The following CCDC171 variants were observed in gnomAD, a reference collection of about 807,000 sequenced individuals.
The protein encoded by CCDC171 is coiled-coil domain containing 171.
Under a neutral mutation model 168.2 loss-of-function variants are expected in CCDC171, and 177 were observed. That is an observed-to-expected ratio of 1.05 (90% CI 0.93 to 1.19). CCDC171 has a LOEUF of 1.19. CCDC171 is among the 50% of genes most tolerant of loss of function. The probability of loss-of-function intolerance (pLI) is 0.00; values close to 1 mark genes in which losing one functional copy is unlikely to be tolerated. For synonymous variants in CCDC171, 687 were observed against 540.8 expected, an observed-to-expected ratio of 1.27 and a Z score of -3.75; for missense variants, 1,991 against 1,539.0, an observed-to-expected ratio of 1.29 and a Z score of -4.91.
At chr9:15,811,804 G>A (rs2059368926) in intron 21 of CCDC171, among the ~76,000 whole-genome samples, 1 of 152,184 alleles carries the variant, frequency 6.6e-6, no homozygotes, top group South Asian at 2.1e-4. Flanking sequence ...AAATTCATGA[G>A]TGAATACAGA....
rs576765055 is a variant in CCDC171, at chr9:15,563,858, T to C, written c.-111-120T>C. 33 of 476,922 alleles carry C rather than the reference T, an allele frequency of 6.9e-5. 1 individual carries two copies. Among genetic ancestry groups the C allele is most frequent in the African/African-American group, 5.0e-4 (25 of 49,866 alleles). The allele number at this position is 476,922 out of a possible 1,614,324, so 29.5% of individuals were successfully genotyped here. ...TGATCTTCTGAGGTCTAGATATCTCTATACACCTACAATTTCACTTATCAA... is the reference window on the plus strand; with the variant it reads ...TGATCTTCTGAGGTCTAGATATCTCCATACACCTACAATTTCACTTATCAA... On this transcript the variant is annotated intron_variant, in intron 1 of 25. Transcript: ENST00000380701.
chr9:15,595,067 C>T (rs2042243902), intron 6 of CCDC171, among the ~76,000 whole-genome samples: 1 of 152,096 alleles, frequency 6.6e-6, no homozygotes, highest in Non-Finnish European at 1.5e-5. Context: ...ACATATAATA[C>T]ATTTTGGAGT....
intron 11 of CCDC171, among the ~76,000 whole-genome samples, chr9:15,711,489 A>G (rs576602075): frequency 1.3e-5 from 2 of 152,204 alleles, no homozygotes; most frequent in South Asian, 2.1e-4. Flanking sequence ...TCTCTTTAGG[A>G]GAAATTGTAG....
At chr9:15,680,569 C>G (rs1373160975) in intron 10 of CCDC171, among the ~76,000 whole-genome samples, 1 of 152,160 alleles carries the variant, frequency 6.6e-6, no homozygotes, top group East Asian at 1.9e-4. Flanking sequence ...TTCCATTTAT[C>G]TAAAGATGTT....
At chr9:15,808,821 C>G (rs1490461028) in intron 21 of CCDC171, among the ~76,000 whole-genome samples, 1 of 151,734 alleles carries the variant, frequency 6.6e-6, no homozygotes, top group East Asian at 1.9e-4. Flanking sequence ...GCTGCTGTAC[C>G]AAAATACAAT....
intron 18 of CCDC171, among the ~76,000 whole-genome samples, chr9:15,746,334 C>A (rs987970778): frequency 6.6e-6 from 1 of 152,184 alleles, no homozygotes; most frequent in Non-Finnish European, 1.5e-5. Context: ...AATTCTTAGA[C>A]AATTCCACTG....
At chr9:15,634,689 G>A (rs772275186) in intron 7 of CCDC171, among the ~76,000 whole-genome samples, 5 of 152,146 alleles carry the variant, frequency 3.3e-5, no homozygotes, top group Non-Finnish European at 5.9e-5. Flanking sequence ...CATTTGAAGT[G>A]TACAATTCAG....
At chr9:15,802,922 T>C (rs147359117) in intron 21 of CCDC171, among the ~76,000 whole-genome samples, 2,738 of 152,240 alleles carry the variant, frequency 0.018, 96 homozygotes, top group African/African-American at 0.062. Context: ...GCATCTGTTG[T>C]TTTTTGAGTT....
chr9:15,581,493 A>G (rs555363690), intron 4 of CCDC171, among the ~76,000 whole-genome samples: 1 of 152,202 alleles, frequency 6.6e-6, no homozygotes, highest in South Asian at 2.1e-4. Context: ...AGCAAAAAGA[A>G]CAAAGCTGGA....
intron 6 of CCDC171, among the ~76,000 whole-genome samples, chr9:15,601,677 G>A (rs2042865590): frequency 6.6e-6 from 1 of 152,172 alleles, no homozygotes; most frequent in African/African-American, 2.4e-5. Context: ...ATAAAATGCT[G>A]TAGTGCCACA....
intron 21 of CCDC171, among the ~76,000 whole-genome samples, chr9:15,793,554 T>TTG (rs2058386526): frequency 2.4e-5 from 1 of 41,682 alleles, no homozygotes; most frequent in African/African-American, 5.7e-5. Context: ...TTCCAAGGTT[T>TTG]TTTTTTTTTT....
intron 10 of CCDC171, among the ~76,000 whole-genome samples, chr9:15,687,446 A>T (rs968115108): frequency 2.6e-5 from 4 of 152,120 alleles, no homozygotes; most frequent in African/African-American, 4.8e-5. Flanking sequence ...AAAATCCTCA[A>T]ATCAATAACC....
At chr9:15,705,438 T>C (rs1423251067) in intron 11 of CCDC171, among the ~76,000 whole-genome samples, 2 of 152,178 alleles carry the variant, frequency 1.3e-5, no homozygotes, top group Admixed American at 6.5e-5. Context: ...CCTCCTTCCC[T>C]ATGTTTGGGC....
intron 3 of CCDC171, among the ~76,000 whole-genome samples, chr9:15,995,810 G>T (rs1255494304): frequency 6.6e-6 from 1 of 152,150 alleles, no homozygotes; most frequent in Non-Finnish European, 1.5e-5. Context: ...TCAGTTTTCA[G>T]TTCATCATGA....
At chr9:15,623,732 T>A (rs181778400) in intron 7 of CCDC171, among the ~76,000 whole-genome samples, 60 of 152,270 alleles carry the variant, frequency 3.9e-4, no homozygotes, top group African/African-American at 1.4e-3. Flanking sequence ...ATTATTAGGT[T>A]GAGAAAGCAA....
intron 7 of CCDC171, among the ~76,000 whole-genome samples, chr9:15,655,020 C>G (rs553796317): frequency 2.0e-5 from 3 of 152,000 alleles, no homozygotes; most frequent in Non-Finnish European, 2.9e-5. Context: ...CATCACACAC[C>G]GGAGCCTGTT....
At chr9:15,976,005 G>A (rs549590774), downstream of CCDC171, among the ~76,000 whole-genome samples, 1 of 152,268 alleles carries the variant, frequency 6.6e-6, no homozygotes, top group East Asian at 1.9e-4. Flanking sequence ...ATACGATGAT[G>A]GAAGCCGAAG....
intron 11 of CCDC171, among the ~76,000 whole-genome samples, chr9:15,717,147 G>A (rs1355454768): frequency 6.6e-6 from 1 of 152,200 alleles, no homozygotes; most frequent in South Asian, 2.1e-4. Flanking sequence ...CCCAGCAGCG[G>A]CTATGTGGTG....
At chr9:15,982,077 G>A (rs192838838) in intron 3 of CCDC171, among the ~76,000 whole-genome samples, 68 of 152,294 alleles carry the variant, frequency 4.5e-4, no homozygotes, top group Middle Eastern at 3.4e-3. Context: ...CTTTTGAGAA[G>A]ATTCTGGCTC....
Sources: gnomAD v4.1 joint callset for allele counts (sites outside exome capture counted in the v4.1 genomes callset) on GRCh38, gnomAD v4.1.1 for gene constraint, MANE v1.5 for transcripts, NCBI Gene and HGNC (gene_info 2026-07-23, HGNC 2026-07-21) for gene names.